Variants in ESYT2 observed in about 807,000 individuals in gnomAD.
The protein encoded by ESYT2 is extended synaptotagmin 2.
A neutral mutation model predicts 107.2 loss-of-function variants in ESYT2; 54 were observed. That is an observed-to-expected ratio of 0.50 (90% CI 0.40 to 0.63). The LOEUF (loss-of-function observed/expected upper bound fraction) is 0.63, where lower values mean the gene tolerates loss of function less well. Ranked by LOEUF, ESYT2 falls within the 30% of genes least tolerant of loss-of-function variation. The pLI is 0.00. For synonymous variants in ESYT2, 491 were observed against 434.1 expected (o/e 1.13, Z -1.63); for missense variants, 1,020 against 1,094.5 (o/e 0.93, Z 0.96).
chr7:158,797,849 G>A lies in ESYT2; in HGVS notation c.507+93C>T, dbSNP rs1045734914. On this transcript the variant is annotated intron_variant, in intron 3 of 22. Transcript: ENST00000275418. ...AGCCTGGGCAACAGAGCGAGACTCC[G>A]TCTCAAGAAAAAAAAAAAAAGAAAA... is the stretch of plus-strand genomic sequence containing the variant. The A allele has an allele frequency of 1.0e-3, 1,504 of 1,447,288 alleles. 1 individual carries two copies. The highest frequency in any genetic ancestry group is 1.2e-3 in the Non-Finnish European group (1,276 of 1,098,918). 89.7% of individuals were successfully genotyped at this position (1,447,288 alleles called of 1,614,324 possible).
At chr7:158,796,231 A>G (rs1341315139) in intron 3 of ESYT2, among the ~76,000 whole-genome samples, 1 of 152,216 alleles carries the variant, frequency 6.6e-6, no homozygotes, top group African/African-American at 2.4e-5. Flanking sequence ...AAACAATGTT[A>G]CCTTGGACTG....
Position 158,737,189 on chromosome 7 carries a change from C to T in ESYT2, c.2268-10G>A. 6.2e-7 allele frequency: 1 copy of T among 1,613,162 alleles called. No homozygotes were observed. Among genetic ancestry groups the T allele is most frequent in the Non-Finnish European group, 8.5e-7 (1 of 1,179,284 alleles). On this transcript the variant is annotated splice_polypyrimidine_tract_variant and intron_variant, in intron 19 of 22. Coordinates refer to ENST00000275418, the MANE Select transcript of ESYT2 (RefSeq NM_001367773.1). ...GAAGGCAATGAGGTTTCTTACAACA[C>T]AAACCAGATAAGACGAGGTATTAGG... is the stretch of plus-strand genomic sequence containing the variant.
At chr7:158,744,341 G>A (rs932972963) in intron 16 of ESYT2, 2 of 152,268 alleles carry the variant, frequency 1.3e-5, no homozygotes, top group East Asian at 1.9e-4. Flanking sequence ...CAATCGGTTC[G>A]GAGAACCCTG....
At chr7:158,769,182 T>C (rs1054897229) in intron 7 of ESYT2, among the ~76,000 whole-genome samples, 1 of 152,198 alleles carries the variant, frequency 6.6e-6, no homozygotes, top group Non-Finnish European at 1.5e-5. Flanking sequence ...TCAAGGACTT[T>C]TCAGTTTAAT....
intron 13 of ESYT2, among the ~76,000 whole-genome samples, chr7:158,757,762 TTTTTTG>T (rs1268022056): frequency 1.1e-4 from 16 of 151,166 alleles, no homozygotes; most frequent in Middle Eastern, 3.4e-3. Flanking sequence ...GGGTTTTTTT[TTTTTTG>T]TTTTTTGTTT....
chr7:158,781,881 GTA>G (rs1838842219), intron 6 of ESYT2, among the ~76,000 whole-genome samples: 1 of 19,276 alleles, frequency 5.2e-5, no homozygotes, highest in South Asian at 1.5e-3. Flanking sequence ...ACGAGAACAA[GTA>G]AGAACGAGAA....
At position 158,742,296 on chromosome 7, in the gene ESYT2, AC is replaced by A. The variant is rs556735065; in HGVS notation, c.1795-401del. 1.9e-3 allele frequency among the ~76,000 whole-genome samples: 294 copies of A among 152,048 alleles called. 3 individuals are homozygous for A. The highest frequency in any genetic ancestry group is 6.6e-3 in the African/African-American group (273 of 41,472). ...TAAGCCTGGTGTGGAAGGGCAGGCC[AC>A]CCCCCTGAAGCTGACCCTCTGGTGC... On this transcript the variant is annotated intron_variant, in intron 17 of 22. Coordinates refer to ENST00000275418, the MANE Select transcript of ESYT2 (RefSeq NM_001367773.1).
At chr7:158,753,919 C>T (rs1310636461) in intron 13 of ESYT2, among the ~76,000 whole-genome samples, 1 of 152,142 alleles carries the variant, frequency 6.6e-6, no homozygotes, top group African/African-American at 2.4e-5. Flanking sequence ...TCCTGAAGCT[C>T]ACTTTTGGAT....
chr7:158,772,658 G>A (rs866028149), intron 7 of ESYT2, among the ~76,000 whole-genome samples: 7 of 152,124 alleles, frequency 4.6e-5, no homozygotes, highest in African/African-American at 9.7e-5. Context: ...ATGGCACCAC[G>A]GCAACTAGAA....
intron 12 of ESYT2, 152 bp downstream of exon 12, chr7:158,759,906 T>A: frequency 1.5e-6 from 1 of 668,538 alleles, no homozygotes; most frequent in South Asian, 2.0e-5. Context: ...CTTTAATTTA[T>A]CCCTGATGCT....
chr7:158,736,370 A>C (rs1015117261), intron 20 of ESYT2, among the ~76,000 whole-genome samples: 2 of 152,250 alleles, frequency 1.3e-5, no homozygotes, highest in African/African-American at 4.8e-5. Flanking sequence ...CTGTATTATT[A>C]TCATTTCCCA....
In ESYT2 at chr7:158,733,403, GTGTC is replaced by G. The variant is rs1836810360; in HGVS notation, c.*800_*803del. On this transcript the variant is annotated 3_prime_UTR_variant, in exon 23 of 23. Transcript: ENST00000275418. ...TCTTACAGTTGAGGAAAAGTACAAG[GTGTC>G]TGTATACTGTTTCATGAGTAAGTTA... is the stretch of plus-strand genomic sequence containing the variant. 6.6e-6 allele frequency: 1 copy of G among 152,102 alleles called. No homozygotes were observed. Among genetic ancestry groups the G allele is most frequent in the African/African-American group, 2.4e-5 (1 of 41,410 alleles). The allele number at this position is 152,102 out of a possible 1,614,324, so 9.4% of individuals were successfully genotyped here. A position where few individuals can be genotyped will look rare whatever the true frequency, so the allele number is the denominator to read the frequency against.
intron 6 of ESYT2, among the ~76,000 whole-genome samples, chr7:158,781,632 CAA>C (rs869283639): frequency 1.4e-4 from 3 of 21,722 alleles, no homozygotes; most frequent in Non-Finnish European, 9.3e-4. Context: ...AGTGTGAGAA[CAA>C]AGTGAGGTGT....
chr7:158,814,912 C>T (rs1436748829), intron 1 of ESYT2, among the ~76,000 whole-genome samples: 1 of 151,780 alleles, frequency 6.6e-6, no homozygotes, highest in African/African-American at 2.4e-5. Context: ...GGTGCCAAAT[C>T]CCCAGTTCCT....
chr7:158,823,807 C>T (rs901749997), intron 1 of ESYT2, among the ~76,000 whole-genome samples: 9 of 152,080 alleles, frequency 5.9e-5, no homozygotes, highest in Non-Finnish European at 1.5e-5. Flanking sequence ...TTCATTAGGT[C>T]TAACAATAAC....
chr7:158,825,999 ACG>A (rs1840427541), intron 1 of ESYT2, among the ~76,000 whole-genome samples: 6 of 150,364 alleles, frequency 4.0e-5, no homozygotes, highest in Admixed American at 4.0e-4. Context: ...AGCCTGGACA[ACG>A]CGGTAAGAAC....
chr7:158,747,192 C>T lies in ESYT2; in HGVS notation c.1644+1002G>A, dbSNP rs561634460. On this transcript the variant is annotated intron_variant, in intron 16 of 22. Transcript: ENST00000275418. Reference sequence around the variant, plus strand: ...TGAAACCCCGTCTCCACTAAAAATACAAGAAATCAGCCAGGTGTGGTGGCG... The same window carrying T: ...TGAAACCCCGTCTCCACTAAAAATATAAGAAATCAGCCAGGTGTGGTGGCG... Among the ~76,000 whole-genome samples, 7 of 150,496 alleles carry T rather than the reference C, an allele frequency of 4.7e-5. No individual in the cohort carries two copies. In the South Asian group the frequency reaches 1.3e-3, roughly 27 times the overall value.
intron 7 of ESYT2, among the ~76,000 whole-genome samples, chr7:158,770,575 C>T (rs1052555963): frequency 1.5e-4 from 23 of 151,642 alleles, no homozygotes; most frequent in Admixed American, 3.3e-4. Context: ...AGTGCAGTGG[C>T]GCGATCTTTG....
At chr7:158,799,264 G>C (rs1020919906) in intron 1 of ESYT2, among the ~76,000 whole-genome samples, 192 bp from the exon 2 acceptor site, 1 of 152,170 alleles carries the variant, frequency 6.6e-6, no homozygotes, top group African/African-American at 2.4e-5. Flanking sequence ...AGCTCTTTAC[G>C]TTCTGAGAAC....
Sources: allele counts gnomAD v4.1 joint callset (sites outside exome capture counted in the v4.1 genomes callset), GRCh38; gene constraint gnomAD v4.1.1; transcripts MANE v1.5; gene names NCBI Gene and HGNC (gene_info 2026-07-23, HGNC 2026-07-21).